PLCL2: variants seen among roughly 807,000 people sequenced by gnomAD.
PLCL2 encodes phospholipase C like 2.
Under a neutral mutation model 79.6 loss-of-function variants are expected in PLCL2, and 4 were observed. That is an observed-to-expected ratio of 0.05 (90% CI 0.02 to 0.11). The LOEUF is 0.11. Among genes scored for constraint, PLCL2 ranks in the 10% least tolerant of loss-of-function variants. PLCL2 has a pLI of 1.00. For synonymous variants in PLCL2, 484 were observed against 457.7 expected, an observed-to-expected ratio of 1.06 and a Z score of -0.73; for missense variants, 895 against 1,291.0, an observed-to-expected ratio of 0.69 and a Z score of 4.70.
chr3:17,000,086 TG>T (rs2064193275), intron 1 of PLCL2, among the ~76,000 whole-genome samples: 2 of 152,176 alleles, frequency 1.3e-5, no homozygotes, highest in Non-Finnish European at 2.9e-5. Flanking sequence ...GTAGAGCCTC[TG>T]AAACTCCCCT....
intron 1 of PLCL2, among the ~76,000 whole-genome samples, chr3:17,008,226 A>C (rs917060457): frequency 7.3e-5 from 11 of 151,052 alleles, no homozygotes; most frequent in Non-Finnish European, 5.9e-5. Context: ...AATAAATCCA[A>C]CTCTACGATT....
intron 5 of PLCL2, among the ~76,000 whole-genome samples, chr3:17,085,713 T>G (rs938785581): frequency 6.6e-5 from 10 of 152,094 alleles, no homozygotes; most frequent in Admixed American, 1.3e-4. Context: ...CCTCCCAAAG[T>G]GCTGGGATTA....
intron 1 of PLCL2, among the ~76,000 whole-genome samples, chr3:16,999,414 A>G (rs2064184904): frequency 6.6e-6 from 1 of 152,214 alleles, no homozygotes; most frequent in South Asian, 2.1e-4. Flanking sequence ...TTATTCTTCC[A>G]TGAAGAAATA....
chr3:16,990,227 T>G (rs941965362), intron 1 of PLCL2, among the ~76,000 whole-genome samples: 1 of 152,198 alleles, frequency 6.6e-6, no homozygotes, highest in African/African-American at 2.4e-5. Context: ...TTATCTTGTT[T>G]AATAACAACA....
intron 3 of PLCL2, among the ~76,000 whole-genome samples, chr3:17,036,440 T>A (rs569336786): frequency 1.3e-5 from 2 of 152,318 alleles, no homozygotes; most frequent in African/African-American, 4.8e-5. Context: ...TACCTCTGGA[T>A]TTCAGTTGAG....
rs987891887 is a variant in PLCL2, at chr3:16,910,691, A to G, written c.327+25325A>G. Among the ~76,000 whole-genome samples the G allele has an allele frequency of 5.9e-4, 89 of 152,088 alleles. 1 individual carries two copies. Among genetic ancestry groups the G allele is most frequent in the African/African-American group, 2.0e-3 (82 of 41,466 alleles). On this transcript the variant is annotated intron_variant, in intron 1 of 5. Transcript: ENST00000615277. ...CGACTCTCTTCTATGATCCAAGCAT[A>G]TATGTCCTACTAGATTTTTCCACTA... is the stretch of plus-strand genomic sequence containing the variant.
Position 17,085,611 on chromosome 3 carries a change from G to A in PLCL2, c.3205-4122G>A, listed in dbSNP as rs371858474. Among the ~76,000 whole-genome samples, 376 of 151,776 alleles carry A rather than the reference G, an allele frequency of 2.5e-3. 4 individuals are homozygous for A. The highest frequency in any genetic ancestry group is 3.1e-3 in the Non-Finnish European group (212 of 67,950). On this transcript the variant is annotated intron_variant, in intron 5 of 5. Coordinates refer to ENST00000615277, the MANE Select transcript of PLCL2 (RefSeq NM_001144382.2). ...ACTACAGGCGCCCGCCACCACGCCC[G>A]GCTAATTTTTTGTATTTTTAGTAGA...
intron 4 of PLCL2, among the ~76,000 whole-genome samples, chr3:17,046,424 T>C (rs2064781045): frequency 6.6e-6 from 1 of 152,170 alleles, no homozygotes; most frequent in Non-Finnish European, 1.5e-5. Context: ...TTCTAGTCAC[T>C]GAATTGGTAT....
At position 16,922,831 on chromosome 3, in the gene PLCL2, T is replaced by C. The variant is rs1051666159; in HGVS notation, c.327+37465T>C. Among the ~76,000 whole-genome samples the C allele has an allele frequency of 2.6e-5, 4 of 151,998 alleles. 1 individual carries two copies. The highest frequency in any genetic ancestry group is 9.7e-5 in the African/African-American group (4 of 41,384). ...ACAGGGTTTAATAAAAGACAACCCT[T>C]CCCTCACCCACCCTCCATCAAGGCA... is the stretch of plus-strand genomic sequence containing the variant. On this transcript the variant is annotated intron_variant, in intron 1 of 5. Coordinates refer to ENST00000615277, the MANE Select transcript of PLCL2 (RefSeq NM_001144382.2).
chr3:16,965,577 T>TG (rs1389383827), intron 1 of PLCL2, among the ~76,000 whole-genome samples: 5 of 151,928 alleles, frequency 3.3e-5, no homozygotes, highest in Non-Finnish European at 7.4e-5. Flanking sequence ...GGTAGCTTGA[T>TG]GGGGATGGCA....
At chr3:17,073,090 T>G (rs1166380590) in intron 5 of PLCL2, among the ~76,000 whole-genome samples, 1 of 152,228 alleles carries the variant, frequency 6.6e-6, no homozygotes. Flanking sequence ...GTCAGCATCA[T>G]TTTTTGTGTG....
intron 1 of PLCL2, among the ~76,000 whole-genome samples, chr3:16,989,367 A>G (rs535397164): frequency 1.3e-5 from 2 of 152,284 alleles, no homozygotes; most frequent in African/African-American, 4.8e-5. Context: ...CTGCACTGTC[A>G]GATACACTAG....
intron 1 of PLCL2, among the ~76,000 whole-genome samples, chr3:16,978,948 A>T (rs1056487251): frequency 6.6e-6 from 1 of 152,312 alleles, no homozygotes; most frequent in East Asian, 1.9e-4. Context: ...TACTTGCCCA[A>T]AGAGAATAAT....
chr3:17,072,381 A>C (rs528633232), intron 5 of PLCL2, among the ~76,000 whole-genome samples: 1 of 152,214 alleles, frequency 6.6e-6, no homozygotes, highest in Admixed American at 6.5e-5. Context: ...GAAAGATGAC[A>C]ATATGGGCCG....
intron 1 of PLCL2, among the ~76,000 whole-genome samples, chr3:16,967,603 T>G (rs972144355): frequency 6.6e-6 from 1 of 152,098 alleles, no homozygotes; most frequent in Non-Finnish European, 1.5e-5. Flanking sequence ...TGCCTACTTT[T>G]TAATGGGGTT....
chr3:17,090,049 A>G lies in PLCL2; in HGVS notation c.*137A>G. 6.5e-6 allele frequency: 9 copies of G among 1,394,794 alleles called. No individual in the cohort carries two copies. Among genetic ancestry groups the G allele is most frequent in the Non-Finnish European group, 8.4e-6 (9 of 1,071,540 alleles). The allele number at this position is 1,394,794 out of a possible 1,614,324, so 86.4% of individuals were successfully genotyped here. On this transcript the variant is annotated 3_prime_UTR_variant, in exon 6 of 6. Coordinates refer to ENST00000615277, the MANE Select transcript of PLCL2 (RefSeq NM_001144382.2). ...CAACTGGAATAGCTAATTACAGTCTATTAAAACTGTGAATGTATGTAGCAA... is the reference window on the plus strand; with the variant it reads ...CAACTGGAATAGCTAATTACAGTCTGTTAAAACTGTGAATGTATGTAGCAA...
At chr3:16,992,992 A>T (rs192686712) in intron 1 of PLCL2, among the ~76,000 whole-genome samples, 4 of 152,272 alleles carry the variant, frequency 2.6e-5, no homozygotes, top group Non-Finnish European at 5.9e-5. Flanking sequence ...TGAAGCCTAC[A>T]GGTTGAAAGG....
At chr3:16,944,360 G>T (rs114543886) in intron 1 of PLCL2, among the ~76,000 whole-genome samples, 1,722 of 152,210 alleles carry the variant, frequency 0.011, 38 homozygotes, top group African/African-American at 0.038. Flanking sequence ...TTTCCAGGTG[G>T]TCAGGCCAAG....
At chr3:16,928,116 T>G (rs1332749079) in intron 1 of PLCL2, among the ~76,000 whole-genome samples, 6 of 152,198 alleles carry the variant, frequency 3.9e-5, no homozygotes, top group Admixed American at 3.9e-4. Flanking sequence ...TGTGTGAGCA[T>G]GTACTGCATG....
Sources: allele counts gnomAD v4.1 joint callset (sites outside exome capture counted in the v4.1 genomes callset), GRCh38; gene constraint gnomAD v4.1.1; transcripts MANE v1.5; gene names NCBI Gene and HGNC (gene_info 2026-07-23, HGNC 2026-07-21).